SPMIP2: variants seen among roughly 807,000 people sequenced by gnomAD.
The protein encoded by SPMIP2 is sperm microtubule inner protein 2.
At chr4:158,943,268 T>C in the SPMIP2 span, among the ~76,000 whole-genome samples, 1 of 152,248 alleles carries the variant, frequency 6.6e-6, no homozygotes, top group Non-Finnish European at 1.5e-5. Flanking sequence ...CTATGAGGTA[T>C]AGCTATAATT....
the SPMIP2 span, among the ~76,000 whole-genome samples, chr4:158,958,883 C>T: frequency 3.9e-5 from 6 of 152,312 alleles, no homozygotes; most frequent in East Asian, 5.8e-4. Context: ...GTTGTCAATA[C>T]ATTTAATTAA....
At chr4:159,019,313 A>AT in the SPMIP2 span, among the ~76,000 whole-genome samples, 1,321 of 150,432 alleles carry the variant, frequency 8.8e-3, 29 homozygotes, top group African/African-American at 0.032. Flanking sequence ...AAAAAAAAAA[A>AT]AGCAAACCAT....
chr4:159,042,741 C>A, the SPMIP2 span, among the ~76,000 whole-genome samples: 9 of 152,198 alleles, frequency 5.9e-5, no homozygotes, highest in Non-Finnish European at 1.2e-4. Flanking sequence ...CTGCTCACTA[C>A]AACCTCTGCC....
At chr4:159,021,403 T>A in the SPMIP2 span, among the ~76,000 whole-genome samples, 1 of 152,232 alleles carries the variant, frequency 6.6e-6, no homozygotes, top group African/African-American at 2.4e-5. Flanking sequence ...GATTTGTGAA[T>A]GAGCAGCTTC....
the SPMIP2 span, among the ~76,000 whole-genome samples, chr4:158,921,506 C>T: frequency 2.2e-4 from 33 of 152,150 alleles, no homozygotes; most frequent in African/African-American, 7.2e-4. Flanking sequence ...TCCCACTTCG[C>T]TCTTTCTCCC....
chr4:158,932,471 AACAT>A, the SPMIP2 span, among the ~76,000 whole-genome samples: 18 of 152,094 alleles, frequency 1.2e-4, no homozygotes, highest in African/African-American at 3.9e-4. Flanking sequence ...TCTGTGTCAA[AACAT>A]ACATACATAC....
chr4:158,895,828 A>C, the SPMIP2 span: 1 of 1,613,284 alleles, frequency 6.2e-7, no homozygotes, highest in South Asian at 1.1e-5. Flanking sequence ...CCGGGGACAC[A>C]CACGAGTCCA....
chr4:158,960,540 A>T, the SPMIP2 span, among the ~76,000 whole-genome samples: 1 of 152,262 alleles, frequency 6.6e-6, no homozygotes, highest in African/African-American at 2.4e-5. Context: ...CAAGAAGTAA[A>T]ATAAACAAGA....
chr4:158,893,783 A>G, the SPMIP2 span: 1 of 1,091,502 alleles, frequency 9.2e-7, no homozygotes, highest in South Asian at 1.4e-5. Flanking sequence ...AAACTTTTAT[A>G]TTTCATTCTA....
chr4:159,055,083 T>C, the SPMIP2 span, among the ~76,000 whole-genome samples: 2 of 152,206 alleles, frequency 1.3e-5, no homozygotes, highest in Non-Finnish European at 2.9e-5. Context: ...TGGAGGCTGG[T>C]GTCAAAGCTT....
At chr4:159,000,038 A>G in the SPMIP2 span, among the ~76,000 whole-genome samples, 13 of 152,134 alleles carry the variant, frequency 8.5e-5, no homozygotes, top group South Asian at 4.2e-4. Flanking sequence ...TTTTTTTTAA[A>G]CCAGCTTTAT....
At chr4:158,893,666 CCTT>C in the SPMIP2 span, 1 of 1,573,608 alleles carries the variant, frequency 6.4e-7, no homozygotes, top group South Asian at 1.1e-5. Flanking sequence ...GGCAGTTTCT[CCTT>C]CTAAAAGCAG....
At chr4:158,933,262 T>G in the SPMIP2 span, among the ~76,000 whole-genome samples, 1 of 152,352 alleles carries the variant, frequency 6.6e-6, no homozygotes, top group Non-Finnish European at 1.5e-5. Context: ...CCCAAAGTGC[T>G]GGGATTGCAA....
the SPMIP2 span, among the ~76,000 whole-genome samples, chr4:158,975,321 T>C: frequency 1.3e-5 from 2 of 152,360 alleles, no homozygotes; most frequent in East Asian, 1.9e-4. Flanking sequence ...CATTTGTGAA[T>C]TGTGGCTTTT....
chr4:158,956,741 T>A, the SPMIP2 span, among the ~76,000 whole-genome samples: 1 of 152,120 alleles, frequency 6.6e-6, no homozygotes, highest in Admixed American at 6.6e-5. Flanking sequence ...TTCCCCATCA[T>A]TATAACAAAT....
chr4:158,972,857 T>C, the SPMIP2 span, among the ~76,000 whole-genome samples: 1 of 152,244 alleles, frequency 6.6e-6, no homozygotes, highest in East Asian at 1.9e-4. Flanking sequence ...GCTTTTGGAT[T>C]ATCCATGGCT....
chr4:158,950,433 A>G, the SPMIP2 span, among the ~76,000 whole-genome samples: 2 of 152,332 alleles, frequency 1.3e-5, no homozygotes, highest in Admixed American at 1.3e-4. Context: ...GGCATACAAT[A>G]TAGACCAGGA....
At chr4:158,935,161 A>G in the SPMIP2 span, among the ~76,000 whole-genome samples, 5 of 152,198 alleles carry the variant, frequency 3.3e-5, no homozygotes, top group Non-Finnish European at 5.9e-5. Context: ...TCGCCATACC[A>G]GACAACCAGT....
chr4:158,993,769 T>C, the SPMIP2 span, among the ~76,000 whole-genome samples: 3 of 152,224 alleles, frequency 2.0e-5, no homozygotes, highest in Admixed American at 6.5e-5. Flanking sequence ...GTCTTGGCTC[T>C]AGTTTCTCTC....
Sources: gnomAD v4.1 joint callset for allele counts (sites outside exome capture counted in the v4.1 genomes callset) on GRCh38, gnomAD v4.1.1 for gene constraint, MANE v1.5 for transcripts, NCBI Gene and HGNC (gene_info 2026-07-23, HGNC 2026-07-21) for gene names.